Variants in E2F2 observed in about 807,000 individuals in gnomAD.
E2F2 encodes the protein E2F transcription factor 2, also known as transcription factor E2F2.
In E2F2, 22 loss-of-function variants were observed where a neutral mutation model predicts 42.2. The observed-to-expected ratio is 0.52, with a 90% CI of 0.37 to 0.74. The LOEUF is 0.74. E2F2 is among the 30% of genes least tolerant of loss of function. The pLI is 0.00. For missense variants in E2F2, 481 were observed against 557.8 expected (o/e 0.86, Z 1.39); for synonymous variants, 248 against 251.6 (o/e 0.99, Z 0.13).
rs759208136 is a variant in E2F2 at position 23,521,975 on chromosome 1, T to A, written c.440A>T (p.Glu147Val). 24 of 1,614,148 alleles carry A rather than the reference T, an allele frequency of 1.5e-5. 2 individuals carry two copies. The South Asian group carries it at 2.6e-4, about 18-fold the overall frequency. The stretch of plus-strand genomic sequence containing the variant: ...CAGGTCCAGGACCCCATCCTCTGAC[T>A]CGCTCAGGAGGTAAATGAACTTCTT... ...LTKKFIYLLS[E>V]SEDGVLDLNW... Residue 147 changes from glutamate (E) to valine (V), a missense_variant, in exon 3 of 7, where the codon GAG becomes GTG. Transcript: ENST00000361729.
intron 1 of E2F2, among the ~76,000 whole-genome samples, chr1:23,528,435 C>A (rs2282724): frequency 1.7e-4 from 26 of 152,138 alleles, no homozygotes; most frequent in Non-Finnish European, 8.8e-5. Flanking sequence ...GGCCTGCCCA[C>A]GGGGCTGGGC....
chr1:23,529,643 C>T (rs3218131), intron 1 of E2F2, among the ~76,000 whole-genome samples: 3 of 152,316 alleles, frequency 2.0e-5, no homozygotes, highest in South Asian at 4.1e-4. Flanking sequence ...TGTGCACACA[C>T]GCATTGTGAA....
At chr1:23,518,386 G>A (rs1030696647) in intron 5 of E2F2, among the ~76,000 whole-genome samples, 5 of 151,814 alleles carry the variant, frequency 3.3e-5, no homozygotes, top group Admixed American at 6.6e-5. Flanking sequence ...CAGGAGAATC[G>A]CTTCAACCCA....
In E2F2 at chr1:23,530,654, G is replaced by A; in HGVS notation, c.140C>T (p.Pro47Leu). The part of the protein sequence containing the change: ...LCPATATYYT[P>L]LYPQTAPPAA... ...GGGAGGCGCCGTCTGCGGGTACAGC[G>A]GTGTGTAGTAGGTAGCAGTAGCTGG... Residue 47 changes from proline (P) to leucine (L), a missense_variant, in exon 1 of 7, where the codon CCG becomes CTG. Pro to Leu is a moderately conservative substitution (Grantham distance 98, BLOSUM62 -3). Coordinates refer to ENST00000361729, the MANE Select transcript of E2F2 (RefSeq NM_004091.4). The surrounding 1 kb of genome is among the most constrained non-coding windows in gnomAD (Gnocchi z 4.4). 1.2e-6 allele frequency: 2 copies of A among 1,613,372 alleles called. No homozygotes were observed. The highest frequency in any genetic ancestry group is 1.1e-5 in the South Asian group (1 of 91,068).
At chr1:23,518,497 A>C (rs79457556) in intron 5 of E2F2, among the ~76,000 whole-genome samples, 15 of 136,750 alleles carry the variant, frequency 1.1e-4, no homozygotes, top group South Asian at 2.5e-4. Context: ...ATAAATAAAT[A>C]AATCAAACAA....
Position 23,521,088 on chromosome 1 carries a change from C to T in E2F2, c.579-17G>A. 1.9e-6 allele frequency: 3 copies of T among 1,595,564 alleles called. No homozygotes were observed. Among genetic ancestry groups the T allele is most frequent in the African/African-American group, 1.4e-5 (1 of 74,040 alleles). On this transcript the variant is annotated splice_polypyrimidine_tract_variant and intron_variant, in intron 3 of 6. Coordinates refer to ENST00000361729, the MANE Select transcript of E2F2 (RefSeq NM_004091.4). ...CCCCTGCCTCTGGGAACAGAGCAGC[C>T]CCCCAGTGTCAGTCTGTGGGTGAAA...
chr1:23,515,487 G>C (rs901109669), intron 6 of E2F2, among the ~76,000 whole-genome samples: 3 of 152,046 alleles, frequency 2.0e-5, no homozygotes, highest in Non-Finnish European at 4.4e-5. Context: ...TTGCCTCCCA[G>C]CTGGGAGACC....
At chr1:23,518,452 C>A (rs1643069567) in intron 5 of E2F2, among the ~76,000 whole-genome samples, 1 of 150,896 alleles carries the variant, frequency 6.6e-6, no homozygotes, top group African/African-American at 2.4e-5. Flanking sequence ...GCCTGGGCAA[C>A]AGAGTGAGAC....
In E2F2 at chr1:23,521,045, G is replaced by A. The variant is rs116694174; in HGVS notation, c.605C>T (p.Thr202Ile). 6,653 of 1,613,178 alleles carry A rather than the reference G, an allele frequency of 4.1e-3. 22 individuals carry two copies. Among genetic ancestry groups the A allele is most frequent in the Middle Eastern group, 0.024 (142 of 6,038 alleles). The change falls in exon 4 of 7, where the codon ACC becomes ATC. Residue 202 changes from threonine (T) to isoleucine (I), a missense_variant. Physicochemically the swap from Thr to Ile is moderately conservative, Grantham distance 89. Coordinates refer to ENST00000361729, the MANE Select transcript of E2F2 (RefSeq NM_004091.4). ...CAGCTGTTGCTGCTTCCCAGGTCTG[G>A]TGGGGTCTTCAAACATTCCCCTGCC... ...WVGRGMFEDP[T>I]RPGKQQQLGQ...
At chr1:23,512,340 G>A (rs1020199454) in intron 6 of E2F2, among the ~76,000 whole-genome samples, 3 of 152,294 alleles carry the variant, frequency 2.0e-5, no homozygotes, top group Middle Eastern at 3.4e-3. Context: ...CCCTTGAGGC[G>A]AGGCGTGGTT....
At chr1:23,522,321 A>T (rs1244352109) in intron 2 of E2F2, among the ~76,000 whole-genome samples, 2 of 152,206 alleles carry the variant, frequency 1.3e-5, no homozygotes, top group Non-Finnish European at 2.9e-5. Flanking sequence ...GCACATTTCC[A>T]CCACAGCTTA....
intron 5 of E2F2, among the ~76,000 whole-genome samples, chr1:23,517,008 C>T (rs1216724985): frequency 6.6e-6 from 1 of 152,150 alleles, no homozygotes; most frequent in African/African-American, 2.4e-5. Flanking sequence ...GCTACCTCTA[C>T]CACCACAAGG....
intron 2 of E2F2, among the ~76,000 whole-genome samples, chr1:23,522,272 G>A (rs1221371188): frequency 6.6e-6 from 1 of 152,218 alleles, no homozygotes; most frequent in Non-Finnish European, 1.5e-5. Flanking sequence ...CGGCCAATGG[G>A]CAGTGTTGGA....
rs1329751602 is a variant in E2F2 at position 23,516,431 on chromosome 1, G to C, written c.949C>G (p.Pro317Ala). ...CAGAGGGTGGAGGTAGAGGGGAGAG[G>C]CTCCTCGGAAGGACTGTCCGGCTCC... is the stretch of plus-strand genomic sequence containing the variant. ...VQEPDSPSEE[P>A]LPSTSTLCPS... The change falls in exon 6 of 7, where the codon CCT (proline) becomes GCT (alanine). Residue 317 changes from proline to alanine, a missense_variant. Pro to Ala is a conservative substitution (Grantham distance 27). Coordinates refer to ENST00000361729, the MANE Select transcript of E2F2 (RefSeq NM_004091.4). 6.2e-7 allele frequency: 1 copy of C among 1,603,946 alleles called. No individual in the cohort carries two copies. The highest frequency in any genetic ancestry group is 8.5e-7 in the Non-Finnish European group (1 of 1,175,572).
intron 4 of E2F2, among the ~76,000 whole-genome samples, chr1:23,520,217 T>A (rs1643110676): frequency 8.1e-6 from 1 of 123,656 alleles, no homozygotes; most frequent in African/African-American, 3.5e-5. Context: ...CTGCACTCCA[T>A]CCTGGGCAAG....
rs3218137 is a variant in E2F2, at chr1:23,527,784, G to A, written c.252+2758C>T. On this transcript the variant is annotated intron_variant, in intron 1 of 6. Coordinates refer to ENST00000361729, the MANE Select transcript of E2F2 (RefSeq NM_004091.4). ...CTCACCTGACCTGCCTTGTAGAGTT[G>A]TGTGTTAAAATGTTTATTTTCTTTC... Among the ~76,000 whole-genome samples, 103 of 152,320 alleles carry A rather than the reference G, an allele frequency of 6.8e-4. No homozygotes were observed. The South Asian group carries it at 0.014, about 21-fold the overall frequency.
In E2F2 at chr1:23,518,991, C is replaced by G. The variant is rs759051706; in HGVS notation, c.852+25G>C. 3.1e-6 allele frequency: 5 copies of G among 1,602,436 alleles called. No individual in the cohort carries two copies. The South Asian group carries it at 4.4e-5, about 14-fold the overall frequency. ...TCCCTGGCAGGGTCTCAACCCTGCT[C>G]TCCACCAAATATTTCCCCTCTCACC... On this transcript the variant is annotated intron_variant, in intron 5 of 6. Coordinates refer to ENST00000361729, the MANE Select transcript of E2F2 (RefSeq NM_004091.4).
intron 6 of E2F2, among the ~76,000 whole-genome samples, chr1:23,513,561 CATGT>C (rs60721478): frequency 0.022 from 2,582 of 115,970 alleles, 136 homozygotes; most frequent in South Asian, 0.22. Flanking sequence ...CAGCACGGAA[CATGT>C]GTGTGTGTGT....
chr1:23,521,660 C>T (rs1276810859), intron 3 of E2F2, 177 bp downstream of exon 3: 1 of 985,452 alleles, frequency 1.0e-6, no homozygotes, highest in East Asian at 1.1e-4. Flanking sequence ...CATACATTGG[C>T]TCTACCCCCA....
Sources: allele counts gnomAD v4.1 joint callset (sites outside exome capture counted in the v4.1 genomes callset), GRCh38; gene constraint gnomAD v4.1.1; non-coding constraint Gnocchi (gnomAD v3.1); transcripts MANE v1.5; gene names NCBI Gene and HGNC (gene_info 2026-07-23, HGNC 2026-07-21).